Variants in AMOTL1 observed in about 807,000 individuals in gnomAD.
The protein encoded by AMOTL1 is angiomotin-like protein 1.
AMOTL1 carries 45 observed loss-of-function variants against 102.9 expected under a neutral mutation model. The observed-to-expected ratio is 0.44, with a 90% CI of 0.34 to 0.56. The LOEUF (loss-of-function observed/expected upper bound fraction) is 0.56, where lower values mean the gene tolerates loss of function less well. AMOTL1 is among the 20% of genes least tolerant of loss of function. AMOTL1 has a pLI of 0.01. For synonymous variants in AMOTL1, 481 were observed against 484.7 expected, an observed-to-expected ratio of 0.99 and a Z score of 0.10; for missense variants, 1,114 against 1,225.6, an observed-to-expected ratio of 0.91 and a Z score of 1.36.
At chr11:94,776,051 T>A (rs1274088843) in intron 1 of AMOTL1, among the ~76,000 whole-genome samples, 1 of 152,202 alleles carries the variant, frequency 6.6e-6, no homozygotes, top group African/African-American at 2.4e-5. Context: ...TGGGTGGAAT[T>A]AGCACGGAAA....
chr11:94,773,932 G>T (rs1950988914), intron 1 of AMOTL1, among the ~76,000 whole-genome samples: 1 of 152,204 alleles, frequency 6.6e-6, no homozygotes, highest in Admixed American at 6.5e-5. Flanking sequence ...GTGTATCCTG[G>T]CCCTGCCGCC....
At chr11:94,806,745 T>C (rs982599178) in intron 3 of AMOTL1, among the ~76,000 whole-genome samples, 18 of 152,190 alleles carry the variant, frequency 1.2e-4, no homozygotes, top group Admixed American at 9.2e-4. Flanking sequence ...CCAGCTGTAA[T>C]GTATTAAATG....
upstream of AMOTL1, among the ~76,000 whole-genome samples, chr11:94,767,744 T>G (rs1230516939): frequency 6.9e-6 from 1 of 144,550 alleles, no homozygotes; most frequent in Non-Finnish European, 1.6e-5. Context: ...TCGCTTACTT[T>G]CTTTACCTCT....
chr11:94,833,739 T>G (rs4753633), intron 6 of AMOTL1, among the ~76,000 whole-genome samples: 5 of 152,026 alleles, frequency 3.3e-5, no homozygotes, highest in African/African-American at 1.2e-4. Context: ...TCAGTACAGT[T>G]TCTGGGGAGG....
intron 1 of AMOTL1, among the ~76,000 whole-genome samples, chr11:94,711,260 C>A (rs985531482): frequency 6.6e-6 from 1 of 152,074 alleles, no homozygotes; most frequent in East Asian, 1.9e-4. Flanking sequence ...TGCAAACACT[C>A]TGGCTGTTAA....
chr11:94,713,210 A>G (rs1459525967), intron 1 of AMOTL1, among the ~76,000 whole-genome samples: 1 of 151,794 alleles, frequency 6.6e-6, no homozygotes, highest in Non-Finnish European at 1.5e-5. Flanking sequence ...TCTTCCATTG[A>G]TGTGCCTATA....
chr11:94,816,192 C>T (rs1009669382), intron 3 of AMOTL1, among the ~76,000 whole-genome samples: 15 of 152,000 alleles, frequency 9.9e-5, no homozygotes, highest in South Asian at 2.1e-4. Context: ...TTAAAAGCCC[C>T]GAAATAGTAA....
rs1299297980 is a variant in AMOTL1, at chr11:94,875,630, T to C, written c.*4835T>C. ...CTTAGAGATGAGAAATCCTCCTCCT[T>C]TGAGGATGGATTTAAGTTCTGGAAA... On this transcript the variant is annotated 3_prime_UTR_variant, in exon 13 of 13. Coordinates refer to ENST00000433060, the MANE Select transcript of AMOTL1 (RefSeq NM_130847.3). 1.3e-5 allele frequency: 2 copies of C among 151,622 alleles called. No individual in the cohort carries two copies. The highest frequency in any genetic ancestry group is 3.8e-4 in the East Asian group (2 of 5,204). 9.4% of individuals were successfully genotyped at this position (151,622 alleles called of 1,614,324 possible).
rs940028071 is a variant in AMOTL1, at chr11:94,800,069, G to A, written c.879G>A (p.Gly293=). The A allele has an allele frequency of 6.2e-7, 1 of 1,613,932 alleles. No individual in the cohort carries two copies. The highest frequency in any genetic ancestry group is 2.2e-5 in the East Asian group (1 of 44,886). The part of the protein sequence containing the change: ...GNGKGFKVGG[G]PSPAQPAGKV... The stretch of plus-strand genomic sequence containing the variant: ...GAAAGGGCTTCAAAGTAGGAGGGGG[G>A]CCCTCCCCTGCCCAGCCTGCAGGTA... The change falls in exon 3 of 13, where the codon GGG becomes GGA. Residue 293 remains glycine, a synonymous_variant. Transcript: ENST00000433060.
intron 1 of AMOTL1, among the ~76,000 whole-genome samples, chr11:94,707,240 C>G (rs1306547962): frequency 2.3e-4 from 20 of 86,994 alleles, no homozygotes; most frequent in African/African-American, 6.5e-4. Context: ...CTCTCTCTCT[C>G]TCTCTCTCTC....
chr11:94,743,100 A>T (rs1565336043), intron 3 of AMOTL1, among the ~76,000 whole-genome samples: 5 of 152,172 alleles, frequency 3.3e-5, no homozygotes, highest in African/African-American at 1.2e-4. Flanking sequence ...GGTGATAGAG[A>T]AAATAAAACA....
At chr11:94,866,420 A>G in intron 11 of AMOTL1, 1 of 506,656 alleles carries the variant, frequency 2.0e-6, no homozygotes, top group Admixed American at 3.3e-5. Flanking sequence ...TATTGTTGTA[A>G]GTTGAGGTGA....
At chr11:94,841,748 T>G (rs1446685003) in intron 6 of AMOTL1, among the ~76,000 whole-genome samples, 1 of 152,172 alleles carries the variant, frequency 6.6e-6, no homozygotes, top group East Asian at 1.9e-4. Context: ...GTCTCCTCAG[T>G]CAGGCAAGTT....
At chr11:94,842,685 G>T (rs1317070371) in intron 6 of AMOTL1, among the ~76,000 whole-genome samples, 3 of 152,168 alleles carry the variant, frequency 2.0e-5, no homozygotes, top group African/African-American at 4.8e-5. Context: ...GACTAAACTA[G>T]TAGCTTTCAA....
At chr11:94,717,863 G>T (rs187007335) in intron 1 of AMOTL1, among the ~76,000 whole-genome samples, 6 of 151,738 alleles carry the variant, frequency 4.0e-5, no homozygotes, top group African/African-American at 4.8e-5. Flanking sequence ...TACATGAACA[G>T]GCTGTTCAGA....
chr11:94,732,305 A>G (rs1053827177), intron 2 of AMOTL1, among the ~76,000 whole-genome samples: 8 of 152,144 alleles, frequency 5.3e-5, no homozygotes, highest in Admixed American at 4.6e-4. Flanking sequence ...GATCCACACA[A>G]CATCTGCCCT....
intron 8 of AMOTL1, among the ~76,000 whole-genome samples, chr11:94,856,245 CT>C (rs1555081921): frequency 6.6e-6 from 1 of 151,966 alleles, no homozygotes; most frequent in Non-Finnish European, 1.5e-5. Context: ...GTTTAGGATG[CT>C]CAATCTTATT....
chr11:94,707,242 C>CTGTGTGTGTG (rs1361762000), intron 1 of AMOTL1, among the ~76,000 whole-genome samples: 36 of 50,660 alleles, frequency 7.1e-4, no homozygotes, highest in Non-Finnish European at 2.0e-3. Flanking sequence ...CTCTCTCTCT[C>CTGTGTGTGTG]TCTCTCTCTG....
chr11:94,769,759 G>A (rs1353950126), intron 1 of AMOTL1, among the ~76,000 whole-genome samples: 1 of 152,032 alleles, frequency 6.6e-6, no homozygotes, highest in Admixed American at 6.5e-5. Flanking sequence ...TTGTCCCCAT[G>A]GTCCCTCAGC....
Sources: allele counts gnomAD v4.1 joint callset (sites outside exome capture counted in the v4.1 genomes callset), GRCh38; gene constraint gnomAD v4.1.1; transcripts MANE v1.5; gene names NCBI Gene and HGNC (gene_info 2026-07-23, HGNC 2026-07-21).